Variants in ATP8A2 observed in about 807,000 individuals in gnomAD.
The protein encoded by ATP8A2 is phospholipid-transporting ATPase IB.
Under a neutral mutation model 165.6 loss-of-function variants are expected in ATP8A2, and 100 were observed. The observed-to-expected ratio is 0.60, with a 90% CI of 0.51 to 0.71. The LOEUF is 0.71. Among genes scored for constraint, ATP8A2 ranks in the 30% least tolerant of loss-of-function variants. The pLI is 0.00. For synonymous variants in ATP8A2, 543 were observed against 548.8 expected, an observed-to-expected ratio of 0.99 and a Z score of 0.15; for missense variants, 1,227 against 1,479.5, an observed-to-expected ratio of 0.83 and a Z score of 2.80.
intron 35 of ATP8A2, among the ~76,000 whole-genome samples, chr13:25,983,714 G>A (rs139647503): frequency 6.6e-6 from 1 of 152,242 alleles, no homozygotes; most frequent in Non-Finnish European, 1.5e-5. Flanking sequence ...GTGAATCCAG[G>A]CAAAAGCATG....
intron 36 of ATP8A2, among the ~76,000 whole-genome samples, chr13:26,013,546 T>C (rs1416904448): frequency 6.6e-6 from 1 of 152,118 alleles, no homozygotes; most frequent in Non-Finnish European, 1.5e-5. Flanking sequence ...TGACGGCACA[T>C]GCCTGTAATC....
chr13:25,869,552 C>T (rs950786111), intron 33 of ATP8A2, among the ~76,000 whole-genome samples: 2 of 152,112 alleles, frequency 1.3e-5, no homozygotes, highest in African/African-American at 4.8e-5. Flanking sequence ...TCCATACTTG[C>T]GTTATTTCTG....
intron 1 of ATP8A2, among the ~76,000 whole-genome samples, chr13:25,374,593 G>A (rs2032550161): frequency 6.6e-6 from 1 of 152,166 alleles, no homozygotes; most frequent in Non-Finnish European, 1.5e-5. Context: ...GAGAAGCAGG[G>A]TCCTCCTGGC....
intron 1 of ATP8A2, among the ~76,000 whole-genome samples, chr13:25,374,837 A>G (rs1041189035): frequency 3.3e-5 from 5 of 152,240 alleles, no homozygotes; most frequent in African/African-American, 1.2e-4. Context: ...CCATAAAAAT[A>G]CTAAACAAAG....
chr13:25,904,972 T>G (rs1258238404), intron 33 of ATP8A2, among the ~76,000 whole-genome samples: 4 of 152,228 alleles, frequency 2.6e-5, no homozygotes, highest in African/African-American at 9.6e-5. Flanking sequence ...TTTCCGAGTA[T>G]TCAGTAGTCA....
intron 1 of ATP8A2, among the ~76,000 whole-genome samples, chr13:25,467,912 G>A (rs2035715776): frequency 6.6e-6 from 1 of 152,158 alleles, no homozygotes; most frequent in East Asian, 1.9e-4. Flanking sequence ...AAGCGTGGCA[G>A]GTATTAGAGG....
chr13:25,892,253 G>T (rs767438181), intron 33 of ATP8A2, among the ~76,000 whole-genome samples: 1 of 152,110 alleles, frequency 6.6e-6, no homozygotes, highest in African/African-American at 2.4e-5. Flanking sequence ...TGGGATTACA[G>T]GTGTGAGCCA....
In ATP8A2 at chr13:25,538,019, A is replaced by G. The variant is rs781564289; in HGVS notation, c.539A>G (p.Asn180Ser). The change falls in exon 7 of 37, where the codon AAT (asparagine) becomes AGT (serine). Residue 180 changes from asparagine (N) to serine (S), a missense_variant. By Grantham distance (46) the Asn-to-Ser change is conservative (BLOSUM62 1). Around this residue, in one of 5 missense-constraint regions of ATP8A2, gnomAD observed 356 missense variants for 394.9 expected, o/e 0.90. Coordinates refer to ENST00000381655, the MANE Select transcript of ATP8A2 (RefSeq NM_016529.6). ...VAVGDIVKVV[N>S]GQYLPADVVL... ...GTGGGAGACATTGTGAAGGTCGTCA[A>G]TGGGCAGTATCTTCCAGCAGATGTG... 1.5e-5 allele frequency: 24 copies of G among 1,613,994 alleles called. No homozygotes were observed. The highest frequency in any genetic ancestry group is 1.9e-5 in the Non-Finnish European group (23 of 1,179,926).
At chr13:25,815,335 G>C (rs2765753) in intron 27 of ATP8A2, among the ~76,000 whole-genome samples, 2 of 152,192 alleles carry the variant, frequency 1.3e-5, no homozygotes, top group Non-Finnish European at 2.9e-5. Context: ...TATCTGAAGA[G>C]CTCCTAAACA....
chr13:25,525,493 G>T (rs943374343), intron 2 of ATP8A2, among the ~76,000 whole-genome samples: 3 of 152,150 alleles, frequency 2.0e-5, no homozygotes, highest in African/African-American at 7.2e-5. Context: ...AGATGGATCT[G>T]GTGATGGTAA....
chr13:25,703,389 A>G (rs34071915), intron 25 of ATP8A2, among the ~76,000 whole-genome samples: 57,036 of 151,980 alleles, frequency 0.38, 11,501 homozygotes, highest in Middle Eastern at 0.46. Context: ...AGAACTTTTT[A>G]AAAACATATT....
chr13:25,506,957 A>ATATATATC (rs1244662360), intron 2 of ATP8A2, among the ~76,000 whole-genome samples: 7 of 147,344 alleles, frequency 4.8e-5, no homozygotes, highest in South Asian at 2.1e-4. Flanking sequence ...ATATATATAT[A>ATATATATC]TATATCTTAT....
At chr13:25,927,136 C>A (rs897652593) in intron 33 of ATP8A2, 5 of 456,646 alleles carry the variant, frequency 1.1e-5, no homozygotes, top group South Asian at 3.1e-5. Context: ...TGTCCTGATA[C>A]GAGCACACAA....
intron 22 of ATP8A2, 108 bp from the exon 23 acceptor site, chr13:25,581,711 A>C: frequency 9.3e-7 from 1 of 1,080,746 alleles, no homozygotes; most frequent in South Asian, 1.3e-5. Flanking sequence ...AATAGAGGAA[A>C]TAGAACAACT....
intron 33 of ATP8A2, among the ~76,000 whole-genome samples, chr13:25,941,551 C>T (rs921769962): frequency 1.3e-5 from 2 of 152,320 alleles, no homozygotes; most frequent in African/African-American, 4.8e-5. Context: ...TCTTCCAGAA[C>T]CCGTGTGACT....
At chr13:26,002,893 T>TGTGG (rs1215033406) in intron 35 of ATP8A2, among the ~76,000 whole-genome samples, 1 of 145,948 alleles carries the variant, frequency 6.9e-6, no homozygotes, top group Non-Finnish European at 1.5e-5. Context: ...TGTGTGTGTG[T>TGTGG]GTATGTACCA....
rs80292732 is a variant in ATP8A2, at chr13:25,566,355, G to A, written c.1473+2324G>A. Among the ~76,000 whole-genome samples, 1,406 of 152,170 alleles carry A rather than the reference G, an allele frequency of 9.2e-3. 23 individuals are homozygous for A. Among genetic ancestry groups the A allele is most frequent in the African/African-American group, 0.032 (1,343 of 41,524 alleles). Reference sequence around the variant, plus strand: ...AAGATTCTCCAAGCAGAAAAGTGGCGCCTCTGAAGAATCGTCTCTGCAGGA... The same window carrying A: ...AAGATTCTCCAAGCAGAAAAGTGGCACCTCTGAAGAATCGTCTCTGCAGGA... On this transcript the variant is annotated intron_variant, in intron 16 of 36. Coordinates refer to ENST00000381655, the MANE Select transcript of ATP8A2 (RefSeq NM_016529.6).
At chr13:25,429,385 A>G (rs77486544) in intron 1 of ATP8A2, among the ~76,000 whole-genome samples, 1 of 148,992 alleles carries the variant, frequency 6.7e-6, no homozygotes, top group African/African-American at 2.5e-5. Flanking sequence ...AAAAAAAAAA[A>G]AAAAAAAAAA....
chr13:25,652,773 A>G (rs9511858), intron 24 of ATP8A2, among the ~76,000 whole-genome samples: 38,808 of 151,970 alleles, frequency 0.26, 5,275 homozygotes, highest in South Asian at 0.47. Context: ...TTTAAAGCGC[A>G]CTCTGCCTTT....
Sources: allele counts gnomAD v4.1 joint callset (sites outside exome capture counted in the v4.1 genomes callset), GRCh38; gene constraint gnomAD v4.1.1; regional missense constraint gnomAD v4.1.1; transcripts MANE v1.5; gene names NCBI Gene and HGNC (gene_info 2026-07-23, HGNC 2026-07-21).